PACS1: variants seen among roughly 807,000 people sequenced by gnomAD.
PACS1 encodes phosphofurin acidic cluster sorting protein 1.
PACS1 carries 24 observed loss-of-function variants against 115.0 expected under a neutral mutation model. The ratio of observed to expected loss-of-function variants is 0.21; its 90% CI spans 0.15 to 0.29. The LOEUF (loss-of-function observed/expected upper bound fraction) is 0.29. Among genes scored for constraint, PACS1 ranks in the 10% least tolerant of loss-of-function variants. PACS1 has a pLI of 1.00. For missense variants in PACS1, 838 were observed against 1,251.2 expected, an observed-to-expected ratio of 0.67 and a Z score of 4.98; for synonymous variants, 453 against 504.5, an observed-to-expected ratio of 0.90 and a Z score of 1.37.
chr11:66,214,032 C>CAA (rs71036278), intron 4 of PACS1, among the ~76,000 whole-genome samples: 5,898 of 42,312 alleles, frequency 0.14, 829 homozygotes, highest in East Asian at 0.28. Context: ...GACTCCATCT[C>CAA]AAAAAAAAAA....
intron 2 of PACS1, among the ~76,000 whole-genome samples, chr11:66,195,443 C>T (rs990117740): frequency 6.6e-5 from 10 of 152,134 alleles, no homozygotes; most frequent in East Asian, 3.9e-4. Context: ...GCAGTGTTCC[C>T]GTTTTCAGGA....
Position 66,211,161 on chromosome 11 carries a change from A to G in PACS1, c.562A>G (p.Asn188Asp). Reference protein sequence around the residue: ...QYPHFLKRDANKLQIMLQRRK... With the variant: ...QYPHFLKRDADKLQIMLQRRK... ...CCCTCATTTCCTTAAGCGAGATGCC[A>G]ACAAGCTGCAGATCATGCTGCAAAG... The change falls in exon 4 of 24, where the codon AAC (asparagine) becomes GAC (aspartate). Residue 188 changes from asparagine (N) to aspartate (D), a missense_variant. Physicochemically the swap from Asn to Asp is conservative, Grantham distance 23 (BLOSUM62 1). Coordinates refer to ENST00000320580, the MANE Select transcript of PACS1 (RefSeq NM_018026.4). The G allele has an allele frequency of 5.0e-6, 8 of 1,613,876 alleles. No individual in the cohort carries two copies. The highest frequency in any genetic ancestry group is 6.8e-6 in the Non-Finnish European group (8 of 1,179,782).
intron 1 of PACS1, among the ~76,000 whole-genome samples, chr11:66,093,634 C>G (rs1857714410): frequency 6.7e-6 from 1 of 148,750 alleles, no homozygotes; most frequent in African/African-American, 2.5e-5. Flanking sequence ...TTAGACAGAT[C>G]AACAAGATAG....
chr11:66,192,655 C>T (rs974834654), intron 1 of PACS1, among the ~76,000 whole-genome samples: 7 of 152,192 alleles, frequency 4.6e-5, no homozygotes, highest in African/African-American at 1.2e-4. Flanking sequence ...TCATGTGTAC[C>T]GTTCCCCAGA....
At chr11:66,092,079 T>A (rs985083337) in intron 1 of PACS1, among the ~76,000 whole-genome samples, 80 of 152,266 alleles carry the variant, frequency 5.3e-4, no homozygotes, top group Non-Finnish European at 8.4e-4. Flanking sequence ...TAGTTCTAGA[T>A]CCCTGAGGAA....
At chr11:66,149,561 T>C (rs1427340016) in intron 1 of PACS1, among the ~76,000 whole-genome samples, 1 of 152,206 alleles carries the variant, frequency 6.6e-6, no homozygotes, top group Non-Finnish European at 1.5e-5. Context: ...TTTATAAACA[T>C]ACACATTTTA....
Position 66,223,789 on chromosome 11 carries a change from A to G in PACS1, c.1293+2542A>G, listed in dbSNP as rs143189627. Among the ~76,000 whole-genome samples, 575 of 152,354 alleles carry G rather than the reference A, an allele frequency of 3.8e-3. 5 individuals are homozygous for G. The highest frequency in any genetic ancestry group is 0.013 in the African/African-American group (548 of 41,584). ...AGAACACCTAACACTGTGGATGTTC[A>G]ATAAATGTTAGTTACCTGACTTATA... On this transcript the variant is annotated intron_variant, in intron 10 of 23. Coordinates refer to ENST00000320580, the MANE Select transcript of PACS1 (RefSeq NM_018026.4).
chr11:66,177,349 G>GCGCCACCATC (rs1859890354), intron 1 of PACS1, among the ~76,000 whole-genome samples: 2 of 152,026 alleles, frequency 1.3e-5, no homozygotes, highest in Non-Finnish European at 1.5e-5. Flanking sequence ...GCGCCACCAT[G>GCGCCACCATC]CCTGGCTAAT....
chr11:66,235,692 T>C lies in PACS1; in HGVS notation c.2208-206T>C, dbSNP rs753431337. Among the ~76,000 whole-genome samples, 1 of 152,174 alleles carries C rather than the reference T, an allele frequency of 6.6e-6. No individual in the cohort carries two copies. The highest frequency in any genetic ancestry group is 2.4e-5 in the African/African-American group (1 of 41,430). On this transcript the variant is annotated intron_variant, in intron 18 of 23. Transcript: ENST00000320580. This position sits in a 1 kb window ranked among gnomAD's most constrained non-coding sequence, Gnocchi z 5.6. ...TGGGAAGCAGGGAGCGTAGCTTGCA[T>C]GATCAGGTCATTTGCCCTCATTTTG...
chr11:66,210,970 G>A (rs979651852), intron 3 of PACS1, among the ~76,000 whole-genome samples, 164 bp from the exon 4 acceptor site: 5 of 152,156 alleles, frequency 3.3e-5, no homozygotes, highest in African/African-American at 7.2e-5. Context: ...GCATCAAGCC[G>A]AATCAGCTCC....
At chr11:66,154,743 A>G (rs1231342724) in intron 1 of PACS1, among the ~76,000 whole-genome samples, 2 of 152,216 alleles carry the variant, frequency 1.3e-5, no homozygotes, top group Non-Finnish European at 2.9e-5. Flanking sequence ...TATCATAAAC[A>G]TAATCAATTT....
At chr11:66,195,122 G>A (rs1385014644) in intron 2 of PACS1, among the ~76,000 whole-genome samples, 1 of 152,216 alleles carries the variant, frequency 6.6e-6, no homozygotes, top group African/African-American at 2.4e-5. Flanking sequence ...GCTGAGGCAG[G>A]AGAATTGCTT....
rs147067495 is a variant in PACS1 at position 66,117,741 on chromosome 11, G to A, written c.356+46899G>A. Reference sequence around the variant, plus strand: ...CATGCCTGTAATTCCAGCTACTTGGGAGGCTGAGGCAGGAGAATTGCTTGA... The same window carrying A: ...CATGCCTGTAATTCCAGCTACTTGGAAGGCTGAGGCAGGAGAATTGCTTGA... On this transcript the variant is annotated intron_variant, in intron 1 of 23. Transcript: ENST00000320580. Among the ~76,000 whole-genome samples, 409 of 152,054 alleles carry A rather than the reference G, an allele frequency of 2.7e-3. 1 individual carries two copies. Among genetic ancestry groups the A allele is most frequent in the African/African-American group, 9.4e-3 (391 of 41,488 alleles).
intron 11 of PACS1, 58 bp from the exon 12 acceptor site, chr11:66,230,490 C>G (rs956381137): frequency 7.5e-6 from 9 of 1,196,466 alleles, no homozygotes; most frequent in Non-Finnish European, 1.1e-5. Flanking sequence ...TCCAAGGAGG[C>G]TCCTGGGTGG....
chr11:66,232,392 T>C, intron 14 of PACS1, 116 bp downstream of exon 14: 2 of 641,690 alleles, frequency 3.1e-6, no homozygotes. Context: ...CACCCCTCCA[T>C]CAGCCCCCAC....
rs575346582 is a variant in PACS1 at position 66,220,659 on chromosome 11, G to A, written c.1067G>A (p.Arg356His). 2.5e-5 allele frequency: 41 copies of A among 1,614,026 alleles called. No homozygotes were observed. The highest frequency in any genetic ancestry group is 6.7e-5 in the East Asian group (3 of 44,902). ...GGCTTTGGGCTGGAGCATGTGTCCC[G>A]CGAGCAGATCCGGGAAGTGGAAGAG... ...EVGFGLEHVS[R>H]EQIREVEEDL... The change falls in exon 9 of 24, where the codon CGC becomes CAC. Residue 356 changes from arginine (R) to histidine (H), a missense_variant. Physicochemically the swap from Arg to His is conservative, Grantham distance 29. Around this residue, in one of 6 missense-constraint regions of PACS1, gnomAD observed 223 missense variants for 354.0 expected, o/e 0.63. Transcript: ENST00000320580.
In PACS1 at chr11:66,202,742, AATATAT is replaced by A. The variant is rs56203680; in HGVS notation, c.445-7585_445-7580del. On this transcript the variant is annotated intron_variant, in intron 2 of 23. Coordinates refer to ENST00000320580, the MANE Select transcript of PACS1 (RefSeq NM_018026.4). Reference sequence around the variant, plus strand: ...CATCTCTAGGAAAAAAAAAAAAAAAAATATATATATATATATATATATATATATATA... The same window carrying A: ...CATCTCTAGGAAAAAAAAAAAAAAAAATATATATATATATATATATATATA... Among the ~76,000 whole-genome samples the A allele has an allele frequency of 3.1e-3, 221 of 71,486 alleles. 10 individuals carry two copies. The highest frequency in any genetic ancestry group is 6.1e-3 in the African/African-American group (76 of 12,510). The allele number at this position is 71,486 out of a possible 152,430, so 46.9% of individuals were successfully genotyped here.
At chr11:66,219,177 CAG>C (rs1344787838) in intron 7 of PACS1, among the ~76,000 whole-genome samples, 1 of 151,808 alleles carries the variant, frequency 6.6e-6, no homozygotes, top group Non-Finnish European at 1.5e-5. Flanking sequence ...GCTATGATCC[CAG>C]AGAGGCAAGG....
chr11:66,149,708 T>G (rs890827615), intron 1 of PACS1, among the ~76,000 whole-genome samples: 1 of 147,754 alleles, frequency 6.8e-6, no homozygotes, highest in East Asian at 2.0e-4. Context: ...GTGTGTGTGT[T>G]TTACATGTCT....
Sources: allele counts gnomAD v4.1 joint callset (sites outside exome capture counted in the v4.1 genomes callset), GRCh38; gene constraint gnomAD v4.1.1; regional missense constraint gnomAD v4.1.1; non-coding constraint Gnocchi (gnomAD v3.1); transcripts MANE v1.5; gene names NCBI Gene and HGNC (gene_info 2026-07-23, HGNC 2026-07-21).